Variants in RAPGEF2 observed in about 807,000 individuals in gnomAD.
RAPGEF2 encodes the protein Rap guanine nucleotide exchange factor 2.
Under a neutral mutation model 186.7 loss-of-function variants are expected in RAPGEF2, and 54 were observed. That is an observed-to-expected ratio of 0.29 (90% CI 0.23 to 0.36). RAPGEF2 has a LOEUF of 0.36. Ranked by LOEUF, RAPGEF2 falls within the 10% of genes least tolerant of loss-of-function variation. The pLI is 1.00. For missense variants in RAPGEF2, 1,532 were observed against 2,045.0 expected, an observed-to-expected ratio of 0.75 and a Z score of 4.84; for synonymous variants, 712 against 705.9, an observed-to-expected ratio of 1.01 and a Z score of -0.14.
chr4:159,235,046 C>T (rs1378167437), intron 4 of RAPGEF2, among the ~76,000 whole-genome samples: 1 of 152,192 alleles, frequency 6.6e-6, no homozygotes, highest in African/African-American at 2.4e-5. Flanking sequence ...AGACATGAGC[C>T]ACCGTGCCCA....
chr4:159,134,084 T>C (rs565837182), intron 1 of RAPGEF2, among the ~76,000 whole-genome samples: 2 of 152,320 alleles, frequency 1.3e-5, no homozygotes, highest in South Asian at 4.1e-4. Context: ...ATTAAGACAT[T>C]TTCATTGCCC....
rs1015481940 is a variant in RAPGEF2 at position 159,355,797 on chromosome 4, A to G, written c.4652-56A>G. 1.5e-5 allele frequency: 21 copies of G among 1,394,584 alleles called. No individual in the cohort carries two copies. The African/African-American group carries it at 2.8e-4, about 18-fold the overall frequency. 86.4% of individuals were successfully genotyped at this position (1,394,584 alleles called of 1,614,324 possible). A position where few individuals can be genotyped will look rare whatever the true frequency, so the allele number is the denominator to read the frequency against. On this transcript the variant is annotated intron_variant, in intron 28 of 29. Coordinates refer to ENST00000691494, the MANE Select transcript of RAPGEF2 (RefSeq NM_001394067.2). ...TTTAGTAATTATTTTTATATTTTTAATAAACTTTTGTGGCATGAACTAGTT... is the reference window on the plus strand; with the variant it reads ...TTTAGTAATTATTTTTATATTTTTAGTAAACTTTTGTGGCATGAACTAGTT...
chr4:159,182,386 C>CTTTTTTTTTTTTT (rs575743979), intron 1 of RAPGEF2, among the ~76,000 whole-genome samples: 8 of 85,688 alleles, frequency 9.3e-5, no homozygotes, highest in African/African-American at 3.0e-4. Context: ...TTCTTTTCTT[C>CTTTTTTTTTTTTT]TTTTTTTTTT....
intron 28 of RAPGEF2, 79 bp from the exon 29 acceptor site, chr4:159,355,774 T>TA: frequency 4.7e-6 from 6 of 1,281,208 alleles, no homozygotes; most frequent in Non-Finnish European, 5.4e-6. Flanking sequence ...GATGCTGTTT[T>TA]AGTAATTATT....
intron 7 of RAPGEF2, among the ~76,000 whole-genome samples, chr4:159,287,586 T>A (rs933971719): frequency 6.6e-6 from 1 of 152,288 alleles, no homozygotes; most frequent in Admixed American, 6.5e-5. Context: ...AGCAATTATA[T>A]TTAATGTATG....
chr4:159,321,638 A>G (rs1579930361), intron 9 of RAPGEF2, among the ~76,000 whole-genome samples: 2 of 152,328 alleles, frequency 1.3e-5, no homozygotes, highest in East Asian at 3.9e-4. Context: ...TAGTAAAGCT[A>G]CTGAATGATA....
rs2111034898 is a variant in RAPGEF2 at position 159,104,061 on chromosome 4, G to T, written c.-102G>T. The T allele has an allele frequency of 3.5e-6, 2 of 574,092 alleles. No homozygotes were observed. The highest frequency in any genetic ancestry group is 7.7e-5 in the South Asian group (1 of 12,910). 35.6% of individuals were successfully genotyped at this position (574,092 alleles called of 1,614,324 possible). On this transcript the variant is annotated 5_prime_UTR_variant, in exon 1 of 30. Coordinates refer to ENST00000691494, the MANE Select transcript of RAPGEF2 (RefSeq NM_001394067.2). ...GCGGTTTGGCTGATTAGTCGCGGGC[G>T]GGCGGGCGGGCGCAGCGCGCAGGGC...
rs139544214 is a variant in RAPGEF2, at chr4:159,197,550, C to T, written c.197+4294C>T. The stretch of plus-strand genomic sequence containing the variant: ...TTTCATAGCACTTTGTAAGGGGTTT[C>T]TCTCTCTCTATTCCAGGAGAGGAAA... On this transcript the variant is annotated intron_variant, in intron 3 of 29. Transcript: ENST00000691494. 6.4e-3 allele frequency among the ~76,000 whole-genome samples: 976 copies of T among 152,278 alleles called. 7 individuals are homozygous for T. Among genetic ancestry groups the T allele is most frequent in the Non-Finnish European group, 0.011 (745 of 68,016 alleles).
chr4:159,197,612 G>C (rs1414065468), intron 3 of RAPGEF2, among the ~76,000 whole-genome samples: 2 of 152,120 alleles, frequency 1.3e-5, no homozygotes, highest in South Asian at 2.1e-4. Context: ...AGGCCTGTTG[G>C]GTCTTTTAAA....
intron 4 of RAPGEF2, among the ~76,000 whole-genome samples, chr4:159,220,794 G>A (rs1751459487): frequency 6.6e-6 from 1 of 152,130 alleles, no homozygotes; most frequent in Admixed American, 6.5e-5. Context: ...CAGTGCCTAG[G>A]ACACAGCAGG....
intron 24 of RAPGEF2, among the ~76,000 whole-genome samples, chr4:159,346,492 C>T (rs1730325293): frequency 6.6e-6 from 1 of 152,170 alleles, no homozygotes; most frequent in African/African-American, 2.4e-5. Context: ...ATGGATATAA[C>T]ATATTGAACT....
chr4:159,272,080 G>A (rs780310203), intron 7 of RAPGEF2, among the ~76,000 whole-genome samples: 1 of 152,078 alleles, frequency 6.6e-6, no homozygotes, highest in African/African-American at 2.4e-5. Context: ...GGCCATTTGT[G>A]TTCTACCAGA....
At chr4:159,249,323 C>G (rs1467788387) in intron 7 of RAPGEF2, among the ~76,000 whole-genome samples, 4 of 112,460 alleles carry the variant, frequency 3.6e-5, no homozygotes, top group Non-Finnish European at 5.2e-5. Flanking sequence ...CTTTGATATT[C>G]AGACCTATTT....
intron 7 of RAPGEF2, among the ~76,000 whole-genome samples, chr4:159,254,821 G>A (rs1175491483): frequency 6.6e-6 from 1 of 151,938 alleles, no homozygotes; most frequent in African/African-American, 2.4e-5. Flanking sequence ...GGCTGGTCTC[G>A]AACTCTTAAC....
chr4:159,187,853 T>C (rs1217885019), intron 2 of RAPGEF2, among the ~76,000 whole-genome samples: 1 of 152,210 alleles, frequency 6.6e-6, no homozygotes, highest in African/African-American at 2.4e-5. Context: ...AAGGAATGCT[T>C]TTTCCATATA....
Position 159,346,853 on chromosome 4 carries a change from A to G in RAPGEF2, c.3567A>G (p.Ala1189=). The G allele has an allele frequency of 6.2e-7, 1 of 1,614,192 alleles. No individual in the cohort carries two copies. The highest frequency in any genetic ancestry group is 1.1e-5 in the South Asian group (1 of 91,068). Residue 1189 remains alanine, a synonymous_variant, in exon 25 of 30, where the codon GCA becomes GCG. Transcript: ENST00000691494. ...KSETSPVAPR[A]GSQQKAQSLP... ...AGACCTCTCCAGTAGCTCCAAGGGC[A>G]GGGTCACAACAGAAAGCTCAGTCCC...
At chr4:159,184,191 G>T (rs181558919) in intron 1 of RAPGEF2, among the ~76,000 whole-genome samples, 55 of 152,192 alleles carry the variant, frequency 3.6e-4, no homozygotes, top group Admixed American at 3.1e-3. Flanking sequence ...GAATAGTGCC[G>T]CAATAAACAT....
chr4:159,151,176 T>C (rs1210786829), intron 1 of RAPGEF2, among the ~76,000 whole-genome samples: 1 of 152,242 alleles, frequency 6.6e-6, no homozygotes, highest in Non-Finnish European at 1.5e-5. Context: ...ATGCAACAAG[T>C]CAGTGTAGAT....
At chr4:159,116,897 G>A (rs1238272705) in intron 1 of RAPGEF2, among the ~76,000 whole-genome samples, 2 of 152,146 alleles carry the variant, frequency 1.3e-5, no homozygotes, top group Non-Finnish European at 2.9e-5. Flanking sequence ...GGGAGGGAGA[G>A]CATCAGGAAA....
Sources: allele counts gnomAD v4.1 joint callset (sites outside exome capture counted in the v4.1 genomes callset), GRCh38; gene constraint gnomAD v4.1.1; transcripts MANE v1.5; gene names NCBI Gene and HGNC (gene_info 2026-07-23, HGNC 2026-07-21).